The following SLC10A7 variants were observed in gnomAD, a reference collection of about 807,000 sequenced individuals.
SLC10A7 encodes the protein sodium/bile acid cotransporter 7.
A neutral mutation model predicts 43.2 loss-of-function variants in SLC10A7; 29 were observed. The ratio of observed to expected loss-of-function variants is 0.67; its 90% CI spans 0.50 to 0.92. SLC10A7 has a LOEUF of 0.92. Among genes scored for constraint, SLC10A7 ranks in the 40% least tolerant of loss-of-function variants. The pLI, the probability that SLC10A7 is intolerant of heterozygous loss-of-function variation, is 0.00. For synonymous variants in SLC10A7, 152 were observed against 144.8 expected, an observed-to-expected ratio of 1.05 and a Z score of -0.35; for missense variants, 295 against 403.2, an observed-to-expected ratio of 0.73 and a Z score of 2.30.
At chr4:146,398,681 G>T (rs1354632469) in intron 5 of SLC10A7, among the ~76,000 whole-genome samples, 1 of 152,190 alleles carries the variant, frequency 6.6e-6, no homozygotes, top group Non-Finnish European at 1.5e-5. Context: ...GCTTTGTAAA[G>T]GCTTTGAGAG....
chr4:146,465,582 T>G (rs1364708821), intron 4 of SLC10A7, among the ~76,000 whole-genome samples: 1 of 152,162 alleles, frequency 6.6e-6, no homozygotes, highest in African/African-American at 2.4e-5. Flanking sequence ...AAAGTTACTG[T>G]TTATTTCCAT....
intron 6 of SLC10A7, among the ~76,000 whole-genome samples, chr4:146,308,134 G>C (rs544775742): frequency 6.6e-5 from 10 of 152,224 alleles, no homozygotes; most frequent in African/African-American, 2.4e-4. Flanking sequence ...TTCCTCAGAG[G>C]CTCTGTCAGA....
chr4:146,419,965 T>C (rs775694096), intron 5 of SLC10A7, among the ~76,000 whole-genome samples: 6 of 152,146 alleles, frequency 3.9e-5, no homozygotes, highest in Non-Finnish European at 7.3e-5. Context: ...CTTTTTAACA[T>C]AATGAATACT....
chr4:146,441,859 T>A (rs1334239352), intron 5 of SLC10A7: 1 of 984,694 alleles, frequency 1.0e-6, no homozygotes, highest in African/African-American at 1.7e-5. Context: ...TAACAACATG[T>A]TTAAAAGCTT....
rs1036761394 is a variant in SLC10A7 at position 146,389,995 on chromosome 4, T to A, written c.435+52788A>T. Among the ~76,000 whole-genome samples the A allele has an allele frequency of 5.3e-5, 8 of 152,334 alleles. No homozygotes were observed. The East Asian group carries it at 1.5e-3, about 29-fold the overall frequency. ...GCAACCTATGGAATCTCAAAAAACA[T>A]ATTTTTAGGAGTTACAATGACAATT... is the stretch of plus-strand genomic sequence containing the variant. On this transcript the variant is annotated intron_variant, in intron 5 of 11. Transcript: ENST00000335472.
intron 4 of SLC10A7, among the ~76,000 whole-genome samples, chr4:146,482,047 A>G (rs1405820202): frequency 1.3e-5 from 2 of 152,200 alleles, no homozygotes; most frequent in African/African-American, 4.8e-5. Context: ...TCACCATTGC[A>G]CCAATACAAA....
chr4:146,270,036 C>A (rs1728799504), intron 10 of SLC10A7, among the ~76,000 whole-genome samples: 1 of 152,090 alleles, frequency 6.6e-6, no homozygotes, highest in Non-Finnish European at 1.5e-5. Flanking sequence ...GAGATTTCTT[C>A]TACATAAAAG....
intron 10 of SLC10A7, among the ~76,000 whole-genome samples, chr4:146,269,238 G>GA (rs1289935398): frequency 6.6e-6 from 1 of 152,214 alleles, no homozygotes; most frequent in Non-Finnish European, 1.5e-5. Flanking sequence ...TGCTGACAAT[G>GA]AAAGATTTAA....
At chr4:146,454,588 G>C (rs1453164590) in intron 4 of SLC10A7, among the ~76,000 whole-genome samples, 2 of 151,672 alleles carry the variant, frequency 1.3e-5, no homozygotes, top group African/African-American at 4.8e-5. Flanking sequence ...GTTATGTTGG[G>C]GTAAATGGAA....
chr4:146,266,095 G>C (rs997376713), intron 10 of SLC10A7, among the ~76,000 whole-genome samples: 1 of 152,294 alleles, frequency 6.6e-6, no homozygotes, highest in East Asian at 1.9e-4. Flanking sequence ...GTTTTGGAGA[G>C]AGCTGCTGGC....
At chr4:146,465,888 C>T (rs947083118) in intron 4 of SLC10A7, among the ~76,000 whole-genome samples, 9 of 152,136 alleles carry the variant, frequency 5.9e-5, no homozygotes, top group South Asian at 2.1e-4. Flanking sequence ...CAAACCAGCC[C>T]TCCTGTCTAA....
chr4:146,317,596 A>C (rs1349819721), intron 6 of SLC10A7, among the ~76,000 whole-genome samples: 13 of 152,124 alleles, frequency 8.5e-5, no homozygotes, highest in Non-Finnish European at 1.0e-4. Flanking sequence ...AAATTAGTAC[A>C]CTGAGTAAAG....
chr4:146,272,068 C>CT (rs911378960), intron 10 of SLC10A7, among the ~76,000 whole-genome samples: 6 of 152,138 alleles, frequency 3.9e-5, no homozygotes, highest in Admixed American at 3.9e-4. Context: ...AGGGCAAGAA[C>CT]TTTTTTGGTG....
At chr4:146,508,741 C>A (rs539186388) in intron 3 of SLC10A7, among the ~76,000 whole-genome samples, 1 of 152,262 alleles carries the variant, frequency 6.6e-6, no homozygotes, top group South Asian at 2.1e-4. Context: ...TTCTCTCAGG[C>A]CCCTCTACTA....
At chr4:146,430,143 G>T (rs1579166148) in intron 5 of SLC10A7, among the ~76,000 whole-genome samples, 1 of 152,020 alleles carries the variant, frequency 6.6e-6, no homozygotes, top group Non-Finnish European at 1.5e-5. Context: ...AGTTAAACTG[G>T]ATTTAACAAA....
intron 10 of SLC10A7, among the ~76,000 whole-genome samples, chr4:146,266,422 G>GACAC (rs145477159): frequency 2.0e-5 from 3 of 149,384 alleles, no homozygotes; most frequent in African/African-American, 7.4e-5. Context: ...CATGCACATG[G>GACAC]ACACACACAC....
At chr4:146,301,178 T>C (rs867565416) in intron 7 of SLC10A7, among the ~76,000 whole-genome samples, 2 of 152,090 alleles carry the variant, frequency 1.3e-5, no homozygotes, top group African/African-American at 4.8e-5. Flanking sequence ...TCAAGTACGA[T>C]GGGAGACGTG....
intron 7 of SLC10A7, among the ~76,000 whole-genome samples, chr4:146,299,493 C>A (rs1463771590): frequency 1.3e-5 from 2 of 152,160 alleles, no homozygotes; most frequent in Non-Finnish European, 2.9e-5. Flanking sequence ...TACTGGGTAG[C>A]CACTCAAGGA....
chr4:146,325,911 T>C, intron 6 of SLC10A7, 50 bp downstream of exon 6: 1 of 1,514,496 alleles, frequency 6.6e-7, no homozygotes, highest in Non-Finnish European at 9.1e-7. Flanking sequence ...CTTAAAGGGT[T>C]GTAGATAGCT....
Sources: allele counts gnomAD v4.1 joint callset (sites outside exome capture counted in the v4.1 genomes callset), GRCh38; gene constraint gnomAD v4.1.1; transcripts MANE v1.5; gene names NCBI Gene and HGNC (gene_info 2026-07-23, HGNC 2026-07-21).